The following PSG9 variants were observed in gnomAD, a reference collection of about 807,000 sequenced individuals.
PSG9 encodes pregnancy-specific beta-1-glycoprotein 9.
Under a neutral mutation model 41.9 loss-of-function variants are expected in PSG9, and 49 were observed. The ratio of observed to expected loss-of-function variants is 1.17; its 90% CI spans 0.93 to 1.48. The LOEUF is 1.48. Among genes scored for constraint, PSG9 ranks in the 40% most tolerant of loss-of-function variants. The probability of loss-of-function intolerance (pLI) is 0.00; values close to 1 mark genes in which losing one functional copy is unlikely to be tolerated. For missense variants in PSG9, 641 were observed against 520.3 expected (o/e 1.23, Z -2.26); for synonymous variants, 263 against 196.8 (o/e 1.34, Z -2.82).
chr19:43,265,539 G>A (rs939786801), intron 2 of PSG9, among the ~76,000 whole-genome samples: 1 of 152,060 alleles, frequency 6.6e-6, no homozygotes, highest in African/African-American at 2.4e-5. Flanking sequence ...CAAACAATCA[G>A]CAGTACTCAT....
At chr19:43,264,585 G>A (rs1968879147) in intron 2 of PSG9, among the ~76,000 whole-genome samples, 1 of 152,034 alleles carries the variant, frequency 6.6e-6, no homozygotes, top group South Asian at 2.1e-4. Flanking sequence ...GGCCTCCCAA[G>A]TAGGTGGGAC....
intron 5 of PSG9, chr19:43,257,783 G>T (rs1568410716): frequency 8.1e-7 from 1 of 1,238,738 alleles, no homozygotes; most frequent in Non-Finnish European, 1.0e-6. Context: ...CCTCTCATCT[G>T]GGGGAAAAGT....
Position 43,266,397 on chromosome 19 carries a change from A to G in PSG9, c.430+1387T>C, listed in dbSNP as rs571393112. Among the ~76,000 whole-genome samples, 92 of 151,742 alleles carry G rather than the reference A, an allele frequency of 6.1e-4. 1 individual carries two copies. Among genetic ancestry groups the G allele is most frequent in the Non-Finnish European group, 1.1e-3 (76 of 67,940 alleles). On this transcript the variant is annotated intron_variant, in intron 2 of 5. Coordinates refer to ENST00000270077, the MANE Select transcript of PSG9 (RefSeq NM_002784.5). ...GAGGTTTTGGATCATTCATTTCTTC[A>G]TTCAAGTTCTTCATTCATTATGTGA...
intron 2 of PSG9, among the ~76,000 whole-genome samples, chr19:43,262,997 T>C (rs1471076491): frequency 1.3e-5 from 2 of 152,184 alleles, no homozygotes; most frequent in African/African-American, 4.8e-5. Flanking sequence ...CATGAACAGA[T>C]GATGGAAGTC....
At chr19:43,264,883 A>G (rs1206824981) in intron 2 of PSG9, among the ~76,000 whole-genome samples, 2 of 152,180 alleles carry the variant, frequency 1.3e-5, no homozygotes, top group African/African-American at 4.8e-5. Context: ...GGAAGTGACC[A>G]GAGAATGTGA....
Position 43,258,950 on chromosome 19 carries a change from T to C in PSG9, c.895A>G (p.Ser299Gly). 6.3e-7 allele frequency: 1 copy of C among 1,590,352 alleles called. No homozygotes were observed. Among genetic ancestry groups the C allele is most frequent in the Non-Finnish European group, 8.5e-7 (1 of 1,174,404 alleles). The change falls in exon 4 of 6, where the codon AGT becomes GGT. Residue 299 changes from serine to glycine, a missense_variant. Ser to Gly is a moderately conservative substitution (Grantham distance 56). Transcript: ENST00000270077. ...GGTCCTGTTTCATTTCTCGTGACACTGGGTAGAATGAGTATCCTGTTTTCA... is the reference window on the plus strand; with the variant it reads ...GGTCCTGTTTCATTTCTCGTGACACCGGGTAGAATGAGTATCCTGTTTTCA... Reference protein sequence around the residue: ...PIENRILILPSVTRNETGPYQ... With the variant: ...PIENRILILPGVTRNETGPYQ...
intron 2 of PSG9, among the ~76,000 whole-genome samples, chr19:43,267,155 G>A (rs1969008781): frequency 6.6e-6 from 1 of 152,096 alleles, no homozygotes; most frequent in African/African-American, 2.4e-5. Context: ...GTTGGCTGAT[G>A]TCCTACAAAG....
chr19:43,259,074 G>C lies in PSG9; in HGVS notation c.771C>G (p.Val257=), dbSNP rs772795774. 3.3e-5 allele frequency: 53 copies of C among 1,590,642 alleles called. 7 individuals carry two copies. The highest frequency in any genetic ancestry group is 2.9e-4 in the Admixed American group (17 of 58,650). The change falls in exon 4 of 6, where the codon GTC becomes GTG. Residue 257 remains valine (V), a synonymous_variant. Coordinates refer to ENST00000270077, the MANE Select transcript of PSG9 (RefSeq NM_002784.5). ...TCTTAGGTTCACAGGTGAAGGCTAA[G>C]ACATCCTTATTCTCCCTGGGGTTTA... ...NNLNPRENKD[V]LAFTCEPKSE...
intron 5 of PSG9, chr19:43,257,383 CT>C: frequency 1.0e-6 from 1 of 975,580 alleles, no homozygotes; most frequent in Non-Finnish European, 1.2e-6. Context: ...TAATTACACA[CT>C]TTTTGGCACT....
rs1011584905 is a variant in PSG9 at position 43,263,644 on chromosome 19, C to A, written c.431-1506G>T. Among the ~76,000 whole-genome samples the A allele has an allele frequency of 2.6e-5, 4 of 151,572 alleles. No homozygotes were observed. In the East Asian group the frequency reaches 5.8e-4, roughly 22 times the overall value. Reference sequence around the variant, plus strand: ...ATTAAAATGTTTTCATAAGTGGAAACTTTTACTGATGGTCCAAACATCTAA... The same window carrying A: ...ATTAAAATGTTTTCATAAGTGGAAAATTTTACTGATGGTCCAAACATCTAA... On this transcript the variant is annotated intron_variant, in intron 2 of 5. Transcript: ENST00000270077.
rs1968344307 is a variant in PSG9 at position 43,253,591 on chromosome 19, G to C, written c.*18C>G. The stretch of plus-strand genomic sequence containing the variant: ...AGGTATCAGCCTGTTCTTTTTCTCA[G>C]TGTCTCAGTTGTTGCAGTCATGACT... On this transcript the variant is annotated 3_prime_UTR_variant, in exon 6 of 6. Transcript: ENST00000270077. The C allele has an allele frequency of 1.3e-6, 1 of 769,054 alleles. No homozygotes were observed. The highest frequency in any genetic ancestry group is 2.3e-6 in the Non-Finnish European group (1 of 444,054). The allele number at this position is 769,054 out of a possible 1,614,324, so 47.6% of individuals were successfully genotyped here. A position where few individuals can be genotyped will look rare whatever the true frequency, so the allele number is the denominator to read the frequency against.
At position 43,253,621 on chromosome 19, in the gene PSG9, C is replaced by A; in HGVS notation, c.1269G>T (p.Glu423Asp). The A allele has an allele frequency of 1.1e-6, 1 of 936,644 alleles. No homozygotes were observed. Among genetic ancestry groups the A allele is most frequent in the Non-Finnish European group, 1.7e-6 (1 of 585,388 alleles). The allele number at this position is 936,644 out of a possible 1,614,324, so 58.0% of individuals were successfully genotyped here. The change falls in exon 6 of 6, where the codon GAG becomes GAT. Residue 423 changes from glutamate to aspartate, a missense_variant. Transcript: ENST00000270077. ...TCAGTTGTTGCAGTCATGACTGAGA[C>A]TCTGTCAGGTCTCCATGGCAGGGAC... The part of the protein sequence containing the change: ...VSGPCHGDLT[E>D]SQS
chr19:43,258,348 C>CA lies in PSG9; in HGVS notation c.1096dup (p.Trp366LeufsTer4), dbSNP rs914564921. On this transcript the variant is annotated frameshift_variant, in exon 5 of 6. Transcript: ENST00000270077. LOFTEE classifies it high-confidence loss of function. Reference sequence around the variant, plus strand: ...TTGCTGAAACTTCCCATTAATTGTCCAAAAATACTCTGCCGGTGGGTTAGA... The same window carrying CA: ...TTGCTGAAACTTCCCATTAATTGTCCAAAAAATACTCTGCCGGTGGGTTAGA... The CA allele has an allele frequency of 5.0e-6, 8 of 1,592,706 alleles. No homozygotes were observed. The highest frequency in any genetic ancestry group is 6.8e-6 in the Non-Finnish European group (8 of 1,174,532).
chr19:43,258,749 G>C lies in PSG9; in HGVS notation c.988+108C>G, dbSNP rs1968561350. The C allele has an allele frequency of 3.3e-6, 5 of 1,495,588 alleles. 1 individual carries two copies. The Admixed American group carries it at 1.0e-4, about 30-fold the overall frequency. 92.6% of individuals were successfully genotyped at this position (1,495,588 alleles called of 1,614,324 possible). On this transcript the variant is annotated intron_variant, in intron 4 of 5. Coordinates refer to ENST00000270077, the MANE Select transcript of PSG9 (RefSeq NM_002784.5). Reference sequence around the variant, plus strand: ...GAGTCATGGCCACCTCGGATGTCTAGAAGTAAAGGTGTCTATACTTGGACC... The same window carrying C: ...GAGTCATGGCCACCTCGGATGTCTACAAGTAAAGGTGTCTATACTTGGACC...
rs192942566 is a variant in PSG9 at position 43,266,585 on chromosome 19, G to A, written c.430+1199C>T. On this transcript the variant is annotated intron_variant, in intron 2 of 5. Coordinates refer to ENST00000270077, the MANE Select transcript of PSG9 (RefSeq NM_002784.5). ...GATGGGGGTTAAGATCTGAGGGGGAGGCCTGGACATATTTTTTGCACTGAC... is the reference window on the plus strand; with the variant it reads ...GATGGGGGTTAAGATCTGAGGGGGAAGCCTGGACATATTTTTTGCACTGAC... Among the ~76,000 whole-genome samples the A allele has an allele frequency of 1.0e-3, 153 of 152,104 alleles. 1 individual carries two copies. The highest frequency in any genetic ancestry group is 4.0e-3 in the South Asian group (19 of 4,798).
chr19:43,263,285 T>G (rs1183093000), intron 2 of PSG9, among the ~76,000 whole-genome samples: 2 of 152,142 alleles, frequency 1.3e-5, no homozygotes, highest in Non-Finnish European at 2.9e-5. Flanking sequence ...TGCCTATAGT[T>G]CATACAGATA....
chr19:43,264,456 T>A lies in PSG9; in HGVS notation c.431-2318A>T, dbSNP rs192898775. Among the ~76,000 whole-genome samples the A allele has an allele frequency of 7.2e-5, 11 of 152,106 alleles. No individual in the cohort carries two copies. In the East Asian group the frequency reaches 9.7e-4, roughly 13 times the overall value. On this transcript the variant is annotated intron_variant, in intron 2 of 5. Coordinates refer to ENST00000270077, the MANE Select transcript of PSG9 (RefSeq NM_002784.5). The stretch of plus-strand genomic sequence containing the variant: ...GCATCAAAAGCATTCTTCATTTCTC[T>A]GACAGCATTTTTTTTTTCTGAGACA...
At chr19:43,258,089 G>C in intron 5 of PSG9, 113 bp downstream of exon 5, 1 of 1,589,516 alleles carries the variant, frequency 6.3e-7, no homozygotes, top group Non-Finnish European at 8.5e-7. Flanking sequence ...TTTGGGATTT[G>C]CTTGTGCCCA....
rs1063001 is a variant in PSG9, at chr19:43,258,216, G to A, written c.1229C>T (p.Thr410Ile). Reference sequence around the variant, plus strand: ...GATCCACTTACCAGAGACTTTGACTGTCATGGATTTGGAGATTTCCTTGCC... The same window carrying A: ...GATCCACTTACCAGAGACTTTGACTATCATGGATTTGGAGATTTCCTTGCC... ...ATGKEISKSM[T>I]VKVSGPCHGD... is the part of the protein sequence containing the mutation. Residue 410 changes from threonine (T) to isoleucine (I), a missense_variant, in exon 5 of 6, where the codon ACA becomes ATA. Transcript: ENST00000270077. 57 of 1,592,744 alleles carry A rather than the reference G, an allele frequency of 3.6e-5. 2 individuals carry two copies. Among genetic ancestry groups the A allele is most frequent in the Non-Finnish European group, 4.5e-5 (53 of 1,174,520 alleles).
Sources: allele counts gnomAD v4.1 joint callset (sites outside exome capture counted in the v4.1 genomes callset), GRCh38; gene constraint gnomAD v4.1.1; transcripts MANE v1.5; gene names NCBI Gene and HGNC (gene_info 2026-07-23, HGNC 2026-07-21).